The following PARN variants were observed in gnomAD, a reference collection of about 807,000 sequenced individuals.
PARN encodes the protein poly(A)-specific ribonuclease PARN.
In PARN, 71 loss-of-function variants were observed where a neutral mutation model predicts 102.8. The ratio of observed to expected loss-of-function variants is 0.69; its 90% CI spans 0.57 to 0.84. The LOEUF (loss-of-function observed/expected upper bound fraction) is 0.84, where lower values mean the gene tolerates loss of function less well. Among genes scored for constraint, PARN ranks in the 40% least tolerant of loss-of-function variants. The pLI is 0.00. For synonymous variants in PARN, 261 were observed against 252.9 expected (o/e 1.03, Z -0.30); for missense variants, 782 against 760.9 (o/e 1.03, Z -0.33).
intron 21 of PARN, among the ~76,000 whole-genome samples, chr16:14,540,946 G>A (rs560638775): frequency 3.3e-5 from 5 of 151,960 alleles, no homozygotes; most frequent in South Asian, 4.2e-4. Context: ...ACAAGACTCC[G>A]TCTTGAAAAA....
chr16:14,528,825 T>C (rs1026104648), intron 21 of PARN, among the ~76,000 whole-genome samples: 4 of 152,212 alleles, frequency 2.6e-5, no homozygotes, highest in Non-Finnish European at 4.4e-5. Context: ...GAGAGATTGT[T>C]TGGATATTTC....
At chr16:14,554,263 T>C (rs1434115742) in intron 19 of PARN, 112 bp from the exon 20 acceptor site, 1 of 682,488 alleles carries the variant, frequency 1.5e-6, no homozygotes, top group Non-Finnish European at 2.5e-6. Context: ...TATGAATTCC[T>C]CATGATTACC....
intron 11 of PARN, among the ~76,000 whole-genome samples, chr16:14,603,126 G>A (rs780925360): frequency 6.6e-6 from 1 of 152,140 alleles, no homozygotes; most frequent in Middle Eastern, 3.4e-3. Flanking sequence ...GTTTCGCTAT[G>A]TTGCTCAGAC....
chr16:14,448,350 T>C (rs552755514), intron 22 of PARN, among the ~76,000 whole-genome samples: 37 of 152,244 alleles, frequency 2.4e-4, no homozygotes, highest in Non-Finnish European at 5.3e-4. Context: ...GGTTTCACCA[T>C]GTTGGCCAGG....
At chr16:14,444,087 G>A (rs1167863962) in intron 23 of PARN, among the ~76,000 whole-genome samples, 3 of 152,174 alleles carry the variant, frequency 2.0e-5, no homozygotes, top group East Asian at 3.8e-4. Flanking sequence ...AAATGAGCAA[G>A]CCAAATTGGC....
At chr16:14,482,351 C>G (rs1963427994) in intron 22 of PARN, among the ~76,000 whole-genome samples, 1 of 151,422 alleles carries the variant, frequency 6.6e-6, no homozygotes. Flanking sequence ...GTGATTGTGC[C>G]ACTGCACTCC....
rs912428339 is a variant in PARN at position 14,630,242 on chromosome 16, G to T, written c.-117C>A. On this transcript the variant is annotated 5_prime_UTR_variant, in exon 1 of 24. Transcript: ENST00000437198. ...CTGAGGCAGCCGCAGCGGTGACGCCGGCCGCGACTTCCGGAAACAGCGCGC... is the reference window on the plus strand; with the variant it reads ...CTGAGGCAGCCGCAGCGGTGACGCCTGCCGCGACTTCCGGAAACAGCGCGC... The T allele has an allele frequency of 6.7e-6, 6 of 896,602 alleles. No homozygotes were observed. The highest frequency in any genetic ancestry group is 5.0e-5 in the South Asian group (3 of 60,004). 55.5% of individuals were successfully genotyped at this position (896,602 alleles called of 1,614,324 possible).
At chr16:14,477,033 T>C (rs886555311) in intron 22 of PARN, among the ~76,000 whole-genome samples, 2 of 152,134 alleles carry the variant, frequency 1.3e-5, no homozygotes, top group African/African-American at 2.4e-5. Flanking sequence ...ATGGCAGAGA[T>C]TGCCAGAAGC....
chr16:14,599,765 C>G (rs1043992844), intron 12 of PARN, 139 bp downstream of exon 12: 5 of 547,028 alleles, frequency 9.1e-6, no homozygotes, highest in Non-Finnish European at 1.6e-5. Context: ...AACAGTCTAT[C>G]TTGATGAAGT....
intron 23 of PARN, among the ~76,000 whole-genome samples, chr16:14,438,582 A>G (rs1960814116): frequency 1.3e-5 from 2 of 152,170 alleles, no homozygotes; most frequent in Non-Finnish European, 2.9e-5. Flanking sequence ...TAGCTGGATG[A>G]CCTTGAACAG....
rs1264454543 is a variant in PARN, at chr16:14,582,264, T to C, written c.1109A>G (p.Asp370Gly). 2 of 1,613,524 alleles carry C rather than the reference T, an allele frequency of 1.2e-6. No individual in the cohort carries two copies. The highest frequency in any genetic ancestry group is 2.7e-5 in the African/African-American group (2 of 74,922). Residue 370 changes from aspartate to glycine, a missense_variant, in exon 17 of 24, where the codon GAC becomes GGC. By Grantham distance (94) the Asp-to-Gly change is moderately conservative. Transcript: ENST00000437198. Reference sequence around the variant, plus strand: ...CTCGTGGAGTTGTTCAGAGGCTGTGTCATAACTTGGAAAACCTTCGGCACT... The same window carrying C: ...CTCGTGGAGTTGTTCAGAGGCTGTGCCATAACTTGGAAAACCTTCGGCACT... ...VESAEGFPSY[D>G]TASEQLHEAG...
chr16:14,544,327 C>T (rs1966861830), intron 21 of PARN, among the ~76,000 whole-genome samples: 1 of 152,192 alleles, frequency 6.6e-6, no homozygotes, highest in Non-Finnish European at 1.5e-5. Flanking sequence ...GTAATCTCAG[C>T]ACTTTCGGAG....
chr16:14,494,679 G>A (rs957163190), intron 21 of PARN, among the ~76,000 whole-genome samples: 1 of 152,240 alleles, frequency 6.6e-6, no homozygotes, highest in Non-Finnish European at 1.5e-5. Flanking sequence ...GCGCCACACT[G>A]AGGAGTTCAG....
At chr16:14,518,995 G>T (rs1965600972) in intron 21 of PARN, among the ~76,000 whole-genome samples, 1 of 151,976 alleles carries the variant, frequency 6.6e-6, no homozygotes, top group South Asian at 2.1e-4. Flanking sequence ...AGCCATCCTC[G>T]ATTATTAAAT....
At chr16:14,443,374 C>G (rs1261402728) in intron 23 of PARN, among the ~76,000 whole-genome samples, 2 of 146,668 alleles carry the variant, frequency 1.4e-5, no homozygotes, top group African/African-American at 5.1e-5. Flanking sequence ...GAGTTTCGCT[C>G]TTGTAACTCA....
Position 14,570,344 on chromosome 16 carries a change from A to G in PARN, c.1262+10530T>C, listed in dbSNP as rs1288968121. On this transcript the variant is annotated intron_variant, in intron 18 of 23. Coordinates refer to ENST00000437198, the MANE Select transcript of PARN (RefSeq NM_002582.4). Reference sequence around the variant, plus strand: ...CTCAAAAAAAAAAAAAAAAAAAAAAAAAAAGAAAAGAAAAAGGAAAGAGGG... The same window carrying G: ...CTCAAAAAAAAAAAAAAAAAAAAAAGAAAAGAAAAGAAAAAGGAAAGAGGG... Among the ~76,000 whole-genome samples the G allele has an allele frequency of 6.6e-4, 100 of 150,436 alleles. 1 individual carries two copies. Among genetic ancestry groups the G allele is most frequent in the South Asian group, 1.5e-3 (7 of 4,768 alleles).
chr16:14,480,895 C>G (rs1432894164), intron 22 of PARN, among the ~76,000 whole-genome samples: 1 of 151,830 alleles, frequency 6.6e-6, no homozygotes, highest in Non-Finnish European at 1.5e-5. Flanking sequence ...GCCAAGATCG[C>G]ACCACTGCAC....
At chr16:14,499,688 A>C (rs1964489297) in intron 21 of PARN, among the ~76,000 whole-genome samples, 3 of 152,198 alleles carry the variant, frequency 2.0e-5, no homozygotes, top group Admixed American at 6.5e-5. Context: ...GGTTAGATAA[A>C]AAAGTCAAGC....
chr16:14,571,882 C>T (rs1968835339), intron 18 of PARN, among the ~76,000 whole-genome samples: 1 of 152,234 alleles, frequency 6.6e-6, no homozygotes, highest in South Asian at 2.1e-4. Flanking sequence ...CTGTACTATA[C>T]TACGCTCCAC....
Sources: gnomAD v4.1 joint callset for allele counts (sites outside exome capture counted in the v4.1 genomes callset) on GRCh38, gnomAD v4.1.1 for gene constraint, MANE v1.5 for transcripts, NCBI Gene and HGNC (gene_info 2026-07-23, HGNC 2026-07-21) for gene names.